RAP1GDS1: variants seen among roughly 807,000 people sequenced by gnomAD.
The protein encoded by RAP1GDS1 is RAP1, GTP-GDP dissociation stimulator 1.
In RAP1GDS1, 35 loss-of-function variants were observed where a neutral mutation model predicts 71.1. That is an observed-to-expected ratio of 0.49 (90% confidence interval 0.38 to 0.65). The LOEUF (loss-of-function observed/expected upper bound fraction) is 0.65, where lower values mean the gene tolerates loss of function less well. Among genes scored for constraint, RAP1GDS1 ranks in the 30% least tolerant of loss-of-function variants. RAP1GDS1 has a pLI of 0.00. For synonymous variants in RAP1GDS1, 229 were observed against 243.1 expected, an observed-to-expected ratio of 0.94 and a Z score of 0.54; for missense variants, 663 against 706.1, an observed-to-expected ratio of 0.94 and a Z score of 0.69.
chr4:98,347,081 C>G (rs1351247538), intron 3 of RAP1GDS1, among the ~76,000 whole-genome samples: 1 of 152,062 alleles, frequency 6.6e-6, no homozygotes, highest in African/African-American at 2.4e-5. Context: ...CTCTACTACT[C>G]AGTGTTTTTA....
At chr4:98,433,371 C>G (rs1750710091) in intron 12 of RAP1GDS1, among the ~76,000 whole-genome samples, 1 of 151,982 alleles carries the variant, frequency 6.6e-6, no homozygotes. Flanking sequence ...TCATAGTTCA[C>G]TGCAGCCTTG....
chr4:98,334,090 C>T (rs949658728), intron 2 of RAP1GDS1, among the ~76,000 whole-genome samples: 1 of 152,076 alleles, frequency 6.6e-6, no homozygotes, highest in Non-Finnish European at 1.5e-5. Flanking sequence ...AACTAAAAGA[C>T]ATTTGGCTTA....
At chr4:98,325,545 G>A (rs1158550609) in intron 2 of RAP1GDS1, among the ~76,000 whole-genome samples, 2 of 151,020 alleles carry the variant, frequency 1.3e-5, no homozygotes, top group African/African-American at 2.4e-5. Context: ...GTGATAGACT[G>A]GATTAAGAAA....
chr4:98,347,614 T>G (rs1196619048), intron 3 of RAP1GDS1, among the ~76,000 whole-genome samples: 2 of 152,204 alleles, frequency 1.3e-5, no homozygotes, highest in Non-Finnish European at 2.9e-5. Context: ...TGGCATCCAC[T>G]AACGTTGATT....
At chr4:98,440,972 C>T (rs575539832) in intron 14 of RAP1GDS1, among the ~76,000 whole-genome samples, 63 of 152,214 alleles carry the variant, frequency 4.1e-4, no homozygotes, top group Non-Finnish European at 8.5e-4. Context: ...GGATAACAGG[C>T]GTGAGCCACC....
chr4:98,350,473 A>G (rs1737001376), intron 3 of RAP1GDS1, among the ~76,000 whole-genome samples: 1 of 152,076 alleles, frequency 6.6e-6, no homozygotes, highest in Non-Finnish European at 1.5e-5. Context: ...TTGGGAGGCC[A>G]CAATGGGAGG....
At chr4:98,299,728 A>G (rs181855388) in intron 2 of RAP1GDS1, among the ~76,000 whole-genome samples, 16 of 150,932 alleles carry the variant, frequency 1.1e-4, no homozygotes, top group African/African-American at 3.9e-4. Context: ...TCCACCTCCC[A>G]GGTTCAAGTG....
At chr4:98,432,164 G>A (rs565871291) in intron 12 of RAP1GDS1, among the ~76,000 whole-genome samples, 13 of 152,168 alleles carry the variant, frequency 8.5e-5, no homozygotes, top group African/African-American at 1.9e-4. Context: ...TATCTGTTCC[G>A]GAAAAGTGAG....
intron 2 of RAP1GDS1, among the ~76,000 whole-genome samples, chr4:98,302,490 A>G (rs573766054): frequency 6.6e-6 from 1 of 152,344 alleles, no homozygotes; most frequent in Non-Finnish European, 1.5e-5. Flanking sequence ...AAGATAGTCA[A>G]AAAGATCCAA....
intron 2 of RAP1GDS1, among the ~76,000 whole-genome samples, chr4:98,296,303 T>TGA (rs1258586553): frequency 2.0e-5 from 3 of 152,120 alleles, no homozygotes; most frequent in Non-Finnish European, 4.4e-5. Context: ...TTACACTGTG[T>TGA]GATTTAGTGC....
At chr4:98,407,311 CA>C (rs201143595) in intron 7 of RAP1GDS1, among the ~76,000 whole-genome samples, 119 of 150,628 alleles carry the variant, frequency 7.9e-4, no homozygotes, top group Admixed American at 7.3e-4. Context: ...CCTAAATCTA[CA>C]AAAAAAAATT....
intron 14 of RAP1GDS1, among the ~76,000 whole-genome samples, chr4:98,440,597 T>A (rs1346694538): frequency 6.6e-6 from 1 of 152,218 alleles, no homozygotes; most frequent in East Asian, 1.9e-4. Context: ...TAATGATTAC[T>A]GATGGGAATC....
chr4:98,443,433 C>G lies in RAP1GDS1; in HGVS notation c.*1316C>G, dbSNP rs919871015. 17 of 230,702 alleles carry G rather than the reference C, an allele frequency of 7.4e-5. No individual in the cohort carries two copies. The Admixed American group carries it at 9.1e-4, about 12-fold the overall frequency. 14.3% of individuals were successfully genotyped at this position (230,702 alleles called of 1,614,324 possible). ...TAATCAAAACCTCCCTGTGACCCAC[C>G]TGCCTTCTCCCCATACCCAAATTTG... On this transcript the variant is annotated 3_prime_UTR_variant, in exon 15 of 15. Transcript: ENST00000408927.
intron 1 of RAP1GDS1, among the ~76,000 whole-genome samples, chr4:98,275,587 CCATTACATA>C (rs1184401132): frequency 2.0e-5 from 3 of 152,074 alleles, no homozygotes; most frequent in African/African-American, 7.2e-5. Flanking sequence ...TTTACTTTCA[CCATTACATA>C]AAAGTATGTA....
rs1170667626 is a variant in RAP1GDS1 at position 98,290,274 on chromosome 4, A to G, written c.5-3134A>G. Among the ~76,000 whole-genome samples the G allele has an allele frequency of 3.9e-5, 6 of 152,252 alleles. No homozygotes were observed. In the East Asian group the frequency reaches 7.7e-4, roughly 20 times the overall value. On this transcript the variant is annotated intron_variant, in intron 1 of 14. Transcript: ENST00000408927. ...AATATTGTGAGGAAGATAAACTGAA[A>G]AATGCCACCACAAATAACATAAAGA... is the stretch of plus-strand genomic sequence containing the variant.
chr4:98,352,598 A>T lies in RAP1GDS1; in HGVS notation c.358A>T (p.Ser120Cys). The T allele has an allele frequency of 6.2e-7, 1 of 1,613,696 alleles. No individual in the cohort carries two copies. Among genetic ancestry groups the T allele is most frequent in the Non-Finnish European group, 8.5e-7 (1 of 1,179,828 alleles). The stretch of plus-strand genomic sequence containing the variant: ...GGCTCTAGGAAACATATGTTACGAT[A>T]GCCGTAAGTGTTGACATCTCAATAA... ...GRALGNICYDSHEGRSAVDQA... is the reference protein window; with the variant it reads ...GRALGNICYDCHEGRSAVDQA... Residue 120 changes from serine (S) to cysteine (C), a missense_variant, in exon 4 of 15, where the codon AGC becomes TGC. Physicochemically the swap from Ser to Cys is moderately radical, Grantham distance 112 (BLOSUM62 -1). Coordinates refer to ENST00000408927, the MANE Select transcript of RAP1GDS1 (RefSeq NM_001100427.2).
chr4:98,387,135 A>G (rs1408207045), intron 5 of RAP1GDS1, among the ~76,000 whole-genome samples: 1 of 152,194 alleles, frequency 6.6e-6, no homozygotes, highest in Non-Finnish European at 1.5e-5. Context: ...ACTGTGAATA[A>G]TATATCTACG....
At chr4:98,281,643 A>G (rs1429247798) in intron 1 of RAP1GDS1, among the ~76,000 whole-genome samples, 1 of 152,184 alleles carries the variant, frequency 6.6e-6, no homozygotes, top group African/African-American at 2.4e-5. Context: ...TTCCAACACT[A>G]TGCTGAATAG....
intron 2 of RAP1GDS1, among the ~76,000 whole-genome samples, chr4:98,297,313 C>T (rs1727925237): frequency 6.6e-6 from 1 of 152,080 alleles, no homozygotes; most frequent in African/African-American, 2.4e-5. Context: ...GGCTACAATG[C>T]TAAGCATACG....
Sources: gnomAD v4.1 joint callset for allele counts (sites outside exome capture counted in the v4.1 genomes callset) on GRCh38, gnomAD v4.1.1 for gene constraint, MANE v1.5 for transcripts, NCBI Gene and HGNC (gene_info 2026-07-23, HGNC 2026-07-21) for gene names.